The following ARHGEF10L variants were observed in gnomAD, a reference collection of about 807,000 sequenced individuals.
ARHGEF10L encodes rho guanine nucleotide exchange factor 10-like protein.
A neutral mutation model predicts 141.2 loss-of-function variants in ARHGEF10L; 69 were observed. The ratio of observed to expected loss-of-function variants is 0.49; its 90% CI spans 0.40 to 0.60. The LOEUF is 0.60. Among genes scored for constraint, ARHGEF10L ranks in the 20% least tolerant of loss-of-function variants. ARHGEF10L has a pLI of 0.00. For missense variants in ARHGEF10L, 1,482 were observed against 1,734.3 expected (o/e 0.85, Z 2.58); for synonymous variants, 711 against 718.5 (o/e 0.99, Z 0.17).
chr1:17,659,385 G>A (rs748457479), intron 25 of ARHGEF10L, among the ~76,000 whole-genome samples: 1 of 152,160 alleles, frequency 6.6e-6, no homozygotes, highest in Non-Finnish European at 1.5e-5. Flanking sequence ...TATGTGGTGG[G>A]CAGGATTCAC....
In ARHGEF10L at chr1:17,697,224, C is replaced by T. The variant is rs199655703; in HGVS notation, c.3684C>T (p.Arg1228=). ...GGGTGCGCAGCCGGCCCTGCGCCCG[C>T]GACGCCCACCGCAAGGAGATTTGCT... The part of the protein sequence containing the change: ...DIWVRSRPCA[R]DAHRKEICSV... The change falls in exon 29 of 29, where the codon CGC becomes CGT. Residue 1228 remains arginine (R), a synonymous_variant. Transcript: ENST00000361221. This position sits in a 1 kb window ranked among gnomAD's most constrained non-coding sequence, Gnocchi z 4.8. 8.8e-5 allele frequency: 142 copies of T among 1,612,250 alleles called. No homozygotes were observed. In the East Asian group the frequency reaches 2.2e-3, roughly 25 times the overall value.
At chr1:17,559,795 C>T (rs945375429) in intron 1 of ARHGEF10L, among the ~76,000 whole-genome samples, 11 of 152,220 alleles carry the variant, frequency 7.2e-5, no homozygotes, top group African/African-American at 2.6e-4. Context: ...CAGGCTGGTG[C>T]CATTTCATTT....
chr1:17,588,471 C>G lies in ARHGEF10L; in HGVS notation c.249C>G (p.Pro83=). 1.2e-6 allele frequency: 2 copies of G among 1,613,984 alleles called. No homozygotes were observed. The highest frequency in any genetic ancestry group is 1.1e-5 in the South Asian group (1 of 91,056). Reference sequence around the variant, plus strand: ...ACCCAGACCCAGCAGCTGCTCCACCCGGCACAGGGTAAGTGAACCTTGCTC... The same window carrying G: ...ACCCAGACCCAGCAGCTGCTCCACCGGGCACAGGGTAAGTGAACCTTGCTC... ...VTDPDPAAAP[P]GTGVPAWVSN... is the part of the protein sequence containing the mutation. Residue 83 remains proline (P), a synonymous_variant, in exon 4 of 29, where the codon CCC becomes CCG. Transcript: ENST00000361221.
At chr1:17,618,293 G>C in intron 9 of ARHGEF10L, 1 of 1,280,670 alleles carries the variant, frequency 7.8e-7, no homozygotes, top group Non-Finnish European at 1.0e-6. Flanking sequence ...CCTTCCTGAA[G>C]TGACCCTCCC....
At chr1:17,523,935 A>C in the ARHGEF10L span, among the ~76,000 whole-genome samples, 1 of 152,206 alleles carries the variant, frequency 6.6e-6, no homozygotes, top group Non-Finnish European at 1.5e-5. Flanking sequence ...CCATGTCTGC[A>C]GTCTCTTCTG....
rs1447225078 is a variant in ARHGEF10L, at chr1:17,588,448, C to G, written c.226C>G (p.Pro76Ala). 1.2e-6 allele frequency: 2 copies of G among 1,613,900 alleles called. No homozygotes were observed. The highest frequency in any genetic ancestry group is 1.7e-6 in the Non-Finnish European group (2 of 1,179,914). Residue 76 changes from proline to alanine, a missense_variant and splice_region_variant, in exon 4 of 29, where the codon CCA becomes GCA. Physicochemically the swap from Pro to Ala is conservative, Grantham distance 27. Transcript: ENST00000361221. Reference sequence around the variant, plus strand: ...CTCTGTCTGCTCTTCTTTTGCAGACCCAGACCCAGCAGCTGCTCCACCCGG... The same window carrying G: ...CTCTGTCTGCTCTTCTTTTGCAGACGCAGACCCAGCAGCTGCTCCACCCGG... Reference protein sequence around the residue: ...IHLDSIPVTDPDPAAAPPGTG... With the variant: ...IHLDSIPVTDADPAAAPPGTG...
At chr1:17,549,904 G>A (rs1368663697) in intron 1 of ARHGEF10L, among the ~76,000 whole-genome samples, 4 of 152,178 alleles carry the variant, frequency 2.6e-5, no homozygotes, top group Non-Finnish European at 5.9e-5. Context: ...CAAAGATATG[G>A]TGAAGTTTTA....
intron 4 of ARHGEF10L, among the ~76,000 whole-genome samples, chr1:17,600,585 T>G (rs1372681619): frequency 1.3e-5 from 2 of 152,176 alleles, no homozygotes; most frequent in Non-Finnish European, 2.9e-5. Flanking sequence ...CACATTACCA[T>G]TCACTAAACA....
At chr1:17,584,171 A>G (rs577950059) in intron 2 of ARHGEF10L, among the ~76,000 whole-genome samples, 16 of 152,052 alleles carry the variant, frequency 1.1e-4, no homozygotes, top group African/African-American at 3.6e-4. Flanking sequence ...CAGCCTCCCA[A>G]GTAGCTGGGA....
At chr1:17,658,973 G>T (rs1266437602) in intron 25 of ARHGEF10L, among the ~76,000 whole-genome samples, 2 of 152,184 alleles carry the variant, frequency 1.3e-5, no homozygotes, top group African/African-American at 4.8e-5. Context: ...TTGATTTGGT[G>T]GGGGAACCCG....
intron 13 of ARHGEF10L, 29 bp downstream of exon 13, chr1:17,624,532 G>C (rs763737279): frequency 1.9e-6 from 3 of 1,577,472 alleles, no homozygotes; most frequent in South Asian, 2.2e-5. Flanking sequence ...ACCGTGCCTG[G>C]TCAGGGTGGG....
Position 17,654,600 on chromosome 1 carries a change from T to G in ARHGEF10L, c.2395-36T>G. ...AAATATTGGCATCTGGGCACCTTGATGATTAACCTCACATGTACCGTCTCT... is the reference window on the plus strand; with the variant it reads ...AAATATTGGCATCTGGGCACCTTGAGGATTAACCTCACATGTACCGTCTCT... On this transcript the variant is annotated intron_variant, in intron 22 of 28. Transcript: ENST00000361221. The surrounding 1 kb of genome is among the most constrained non-coding windows in gnomAD (Gnocchi z 4.3). 6.3e-7 allele frequency: 1 copy of G among 1,589,060 alleles called. No homozygotes were observed. The highest frequency in any genetic ancestry group is 8.6e-7 in the Non-Finnish European group (1 of 1,157,096).
intron 15 of ARHGEF10L, among the ~76,000 whole-genome samples, chr1:17,629,591 A>G (rs1478627859): frequency 6.6e-6 from 1 of 152,104 alleles, no homozygotes; most frequent in Non-Finnish European, 1.5e-5. Flanking sequence ...GGGGAAGACG[A>G]GATGGGGAGG....
At chr1:17,653,737 G>A (rs1293640188) in intron 22 of ARHGEF10L, among the ~76,000 whole-genome samples, 3 of 152,246 alleles carry the variant, frequency 2.0e-5, no homozygotes, top group Non-Finnish European at 4.4e-5. Flanking sequence ...TGAACCAGAT[G>A]TTGAAGGTTT....
intron 1 of ARHGEF10L, among the ~76,000 whole-genome samples, chr1:17,543,185 G>C (rs1370584587): frequency 6.6e-6 from 1 of 152,060 alleles, no homozygotes; most frequent in Non-Finnish European, 1.5e-5. Context: ...GCCTCTGCCG[G>C]GTCCTGGGCA....
chr1:17,600,717 T>C (rs1279361609), intron 4 of ARHGEF10L, among the ~76,000 whole-genome samples: 3 of 152,160 alleles, frequency 2.0e-5, no homozygotes, highest in Admixed American at 6.5e-5. Context: ...CCCGTGGCAG[T>C]TTCTCAGTCT....
chr1:17,555,653 C>T (rs958008707), intron 1 of ARHGEF10L, among the ~76,000 whole-genome samples: 1 of 152,178 alleles, frequency 6.6e-6, no homozygotes, highest in Non-Finnish European at 1.5e-5. Flanking sequence ...CCACGCCTGG[C>T]CTGTTTAAGC....
intron 21 of ARHGEF10L, among the ~76,000 whole-genome samples, chr1:17,646,667 A>T (rs1046033118): frequency 2.0e-5 from 3 of 152,106 alleles, no homozygotes; most frequent in Non-Finnish European, 4.4e-5. Flanking sequence ...ATACCCTCCA[A>T]TGGGCTGAGA....
intron 15 of ARHGEF10L, among the ~76,000 whole-genome samples, chr1:17,632,053 G>C (rs1571096879): frequency 6.6e-6 from 1 of 152,346 alleles, no homozygotes; most frequent in African/African-American, 2.4e-5. Context: ...TGGCTCACCT[G>C]AGAAGGGGGC....
Sources: allele counts gnomAD v4.1 joint callset (sites outside exome capture counted in the v4.1 genomes callset), GRCh38; gene constraint gnomAD v4.1.1; non-coding constraint Gnocchi (gnomAD v3.1); transcripts MANE v1.5; gene names NCBI Gene and HGNC (gene_info 2026-07-23, HGNC 2026-07-21).